The following JAK1 variants were observed in gnomAD, a reference collection of about 807,000 sequenced individuals.
The protein encoded by JAK1 is Janus kinase 1, also known as tyrosine-protein kinase JAK1.
In JAK1, 16 loss-of-function variants were observed where a neutral mutation model predicts 136.6. That is an observed-to-expected ratio of 0.12 (90% CI 0.08 to 0.18). JAK1 has a LOEUF of 0.18. Ranked by LOEUF, JAK1 falls within the 10% of genes least tolerant of loss-of-function variation. JAK1 has a pLI of 1.00. For missense variants in JAK1, 859 were observed against 1,450.1 expected (o/e 0.59, Z 6.62); for synonymous variants, 492 against 519.5 (o/e 0.95, Z 0.72).
intron 2 of JAK1, among the ~76,000 whole-genome samples, chr1:65,013,844 G>A (rs1179015604): frequency 6.6e-6 from 1 of 152,194 alleles, no homozygotes; most frequent in African/African-American, 2.4e-5. Flanking sequence ...AAAGATTTCA[G>A]ATGCTGGAAT....
At chr1:65,038,938 T>TTGTGTGTGTGTG (rs150814115) in intron 2 of JAK1, among the ~76,000 whole-genome samples, 2,811 of 147,906 alleles carry the variant, frequency 0.019, 32 homozygotes, top group African/African-American at 0.033. Context: ...GCACCCAGTC[T>TTGTGTGTGTGTG]TGTGTGTGTG....
In JAK1 at chr1:64,835,425, G is replaced by T; in HGVS notation, c.3340C>A (p.Leu1114Met). The change falls in exon 24 of 25, where the codon CTG becomes ATG. Residue 1114 changes from leucine to methionine, a missense_variant. Physicochemically the swap from Leu to Met is conservative, Grantham distance 15 (BLOSUM62 2). Around this residue, in one of 4 missense-constraint regions of JAK1, gnomAD observed 53 missense variants for 64.8 expected, o/e 0.82. Coordinates refer to ENST00000342505, the MANE Select transcript of JAK1 (RefSeq NM_002227.4). ...TCTGGACAGTTAGGTGGGCACGGCA[G>T]GCGTTTTCCTTCTTTTAACGTATTC... ...LVNTLKEGKR[L>M]PCPPNCPDEV... 1 of 1,608,388 alleles carries T rather than the reference G, an allele frequency of 6.2e-7. No individual in the cohort carries two copies. The highest frequency in any genetic ancestry group is 1.1e-5 in the South Asian group (1 of 90,392).
chr1:64,834,403 AG>A lies in JAK1; in HGVS notation c.*158del. 1 of 570,924 alleles carries A rather than the reference AG, an allele frequency of 1.8e-6. No individual in the cohort carries two copies. Among genetic ancestry groups the A allele is most frequent in the Non-Finnish European group, 3.2e-6 (1 of 313,736 alleles). 35.4% of individuals were successfully genotyped at this position (570,924 alleles called of 1,614,324 possible). On this transcript the variant is annotated 3_prime_UTR_variant, in exon 25 of 25. Transcript: ENST00000342505. ...AGTCCTTACACATATTAAGCACTAC[AG>A]TGTGCCTTATACATGTATATGTACT...
chr1:64,914,960 C>G (rs1447610769), intron 1 of JAK1, among the ~76,000 whole-genome samples: 1 of 152,120 alleles, frequency 6.6e-6, no homozygotes, highest in Non-Finnish European at 1.5e-5. Context: ...TAAGGCACAA[C>G]ACTATTTAAT....
chr1:64,864,226 A>G (rs1656552422), intron 8 of JAK1, among the ~76,000 whole-genome samples: 1 of 152,202 alleles, frequency 6.6e-6, no homozygotes, highest in South Asian at 2.1e-4. Context: ...TTCCCCTGAC[A>G]CAAACAGGTT....
chr1:64,886,377 A>G, intron 1 of JAK1, 36 bp from the exon 2 acceptor site: 1 of 1,213,422 alleles, frequency 8.2e-7, no homozygotes, highest in South Asian at 1.6e-5. Flanking sequence ...TCAGTGGCAG[A>G]GGTAATTGCA....
intron 2 of JAK1, among the ~76,000 whole-genome samples, chr1:64,999,311 G>A (rs575506835): frequency 6.6e-6 from 1 of 152,230 alleles, no homozygotes; most frequent in East Asian, 1.9e-4. Flanking sequence ...TAACTCACAT[G>A]TGTTCATTTA....
chr1:64,986,716 A>T (rs763748970), intron 2 of JAK1, among the ~76,000 whole-genome samples: 30 of 152,138 alleles, frequency 2.0e-4, no homozygotes, highest in Admixed American at 3.9e-4. Context: ...GGAAACAGAG[A>T]GAGACCGTCT....
At chr1:64,879,740 T>C (rs74080794) in intron 3 of JAK1, among the ~76,000 whole-genome samples, 5 of 152,352 alleles carry the variant, frequency 3.3e-5, no homozygotes, top group African/African-American at 1.2e-4. Context: ...CTCTGTATGA[T>C]TATCACAAAT....
At chr1:64,839,822 A>G (rs770639889) in intron 19 of JAK1, 27 bp from the exon 20 acceptor site, 48 of 1,575,158 alleles carry the variant, frequency 3.0e-5, no homozygotes, top group Non-Finnish European at 3.5e-5. Context: ...ATGTGCTGTT[A>G]TCAGGGAAGC....
intron 1 of JAK1, among the ~76,000 whole-genome samples, chr1:65,061,778 T>C (rs1647801352): frequency 6.6e-6 from 1 of 152,168 alleles, no homozygotes; most frequent in African/African-American, 2.4e-5. Context: ...TTGCAAAACT[T>C]TGCTATACTG....
chr1:64,840,936 C>T (rs1313254389), intron 19 of JAK1, among the ~76,000 whole-genome samples: 1 of 152,212 alleles, frequency 6.6e-6, no homozygotes, highest in Non-Finnish European at 1.5e-5. Context: ...TCCCCCATCT[C>T]TCCCTCTTTC....
At chr1:65,053,494 T>A (rs1015845950) in intron 1 of JAK1, among the ~76,000 whole-genome samples, 2 of 152,176 alleles carry the variant, frequency 1.3e-5, no homozygotes, top group Non-Finnish European at 2.9e-5. Context: ...ATCTCTGAAG[T>A]GTAAAAACGT....
At chr1:64,876,245 T>G (rs1644662700) in intron 4 of JAK1, 1 of 152,232 alleles carries the variant, frequency 6.6e-6, no homozygotes. Context: ...TTCCACATCC[T>G]ACTGAGTCTC....
At chr1:64,975,973 C>T (rs1646494812) in intron 2 of JAK1, among the ~76,000 whole-genome samples, 1 of 152,142 alleles carries the variant, frequency 6.6e-6, no homozygotes, top group South Asian at 2.1e-4. Flanking sequence ...TGTTGTGTCC[C>T]CTGGCAAGAG....
intron 2 of JAK1, among the ~76,000 whole-genome samples, chr1:64,998,524 G>T (rs1646723938): frequency 6.6e-6 from 1 of 152,150 alleles, no homozygotes; most frequent in Admixed American, 6.5e-5. Flanking sequence ...GTAATCTCTG[G>T]CCGTAAGATT....
intron 1 of JAK1, among the ~76,000 whole-genome samples, chr1:64,909,413 T>C (rs1645244518): frequency 6.6e-6 from 1 of 151,384 alleles, no homozygotes; most frequent in South Asian, 2.1e-4. Context: ...GGTTTTAGGA[T>C]GGAGGGGAGA....
intron 4 of JAK1, among the ~76,000 whole-genome samples, chr1:64,874,132 C>G (rs1442614210): frequency 2.0e-5 from 3 of 152,158 alleles, no homozygotes; most frequent in Admixed American, 2.0e-4. Flanking sequence ...CACAGCAACT[C>G]TACAAGGAAG....
At chr1:64,895,460 G>C (rs1645000788) in intron 1 of JAK1, among the ~76,000 whole-genome samples, 1 of 152,052 alleles carries the variant, frequency 6.6e-6, no homozygotes, top group Non-Finnish European at 1.5e-5. Flanking sequence ...CCTTATTTTT[G>C]TTTTTATTTC....
Sources: gnomAD v4.1 joint callset for allele counts (sites outside exome capture counted in the v4.1 genomes callset) on GRCh38, gnomAD v4.1.1 for gene constraint, gnomAD v4.1.1 regional missense constraint, MANE v1.5 for transcripts, NCBI Gene and HGNC (gene_info 2026-07-23, HGNC 2026-07-21) for gene names.